The following ANKRD44 variants were observed in gnomAD, a reference collection of about 807,000 sequenced individuals.
The protein encoded by ANKRD44 is serine/threonine-protein phosphatase 6 regulatory ankyrin repeat subunit B.
A neutral mutation model predicts 116.0 loss-of-function variants in ANKRD44; 35 were observed. That is an observed-to-expected ratio of 0.30 (90% CI 0.23 to 0.40). The LOEUF is 0.40. ANKRD44 is among the 10% of genes least tolerant of loss of function. The pLI, the probability that ANKRD44 is intolerant of heterozygous loss-of-function variation, is 1.00. For synonymous variants in ANKRD44, 435 were observed against 461.8 expected, an observed-to-expected ratio of 0.94 and a Z score of 0.74; for missense variants, 1,014 against 1,242.6, an observed-to-expected ratio of 0.82 and a Z score of 2.77.
intron 1 of ANKRD44, among the ~76,000 whole-genome samples, chr2:197,245,642 A>C (rs1327038517): frequency 6.6e-6 from 1 of 152,242 alleles, no homozygotes. Flanking sequence ...TTAACAGCAA[A>C]GCTGTTTGTA....
chr2:197,308,956 A>G (rs1394327640), intron 1 of ANKRD44, among the ~76,000 whole-genome samples: 1 of 152,232 alleles, frequency 6.6e-6, no homozygotes, highest in Non-Finnish European at 1.5e-5. Context: ...TCTTTGAGGA[A>G]GACTTGCTTC....
intron 4 of ANKRD44, among the ~76,000 whole-genome samples, chr2:197,132,431 G>T (rs2079115948): frequency 6.6e-6 from 1 of 152,152 alleles, no homozygotes; most frequent in Non-Finnish European, 1.5e-5. Flanking sequence ...TCAATATTAT[G>T]ATCTGACACC....
intron 16 of ANKRD44, among the ~76,000 whole-genome samples, chr2:197,060,722 ACT>A (rs1051634434): frequency 2.0e-5 from 3 of 151,226 alleles, no homozygotes; most frequent in Non-Finnish European, 4.4e-5. Flanking sequence ...CCCCCATTCT[ACT>A]CTCTGTTTTT....
chr2:197,258,270 C>CTTTTTTTTTT (rs71395680), intron 1 of ANKRD44, among the ~76,000 whole-genome samples: 509 of 79,258 alleles, frequency 6.4e-3, no homozygotes, highest in African/African-American at 0.014. Flanking sequence ...TTGGCTAATC[C>CTTTTTTTTTT]TTTTTTTTTT....
In ANKRD44 at chr2:196,989,660, G is replaced by A. The variant is rs2125873467; in HGVS notation, c.2924-11C>T. On this transcript the variant is annotated splice_polypyrimidine_tract_variant and intron_variant, in intron 27 of 27. Transcript: ENST00000282272. ...CATTTGACCTAGAAGCTTTGGCAGA[G>A]GGAGCAGACACAGTATTCACTATGT... 2 of 1,550,148 alleles carry A rather than the reference G, an allele frequency of 1.3e-6. No homozygotes were observed. The highest frequency in any genetic ancestry group is 4.9e-5 in the East Asian group (2 of 40,902).
intron 23 of ANKRD44, among the ~76,000 whole-genome samples, chr2:196,999,694 C>T (rs1021845531): frequency 2.6e-5 from 4 of 151,826 alleles, no homozygotes; most frequent in African/African-American, 7.3e-5. Flanking sequence ...CATGGGTTCA[C>T]GCCATTCTCC....
chr2:197,288,425 T>C (rs951847903), intron 1 of ANKRD44, among the ~76,000 whole-genome samples: 17 of 152,114 alleles, frequency 1.1e-4, no homozygotes, highest in African/African-American at 4.1e-4. Context: ...CATGGCAATC[T>C]CTCAAAGAAA....
Position 196,995,507 on chromosome 2 carries a change from A to G in ANKRD44, c.2749-46T>C, listed in dbSNP as rs776807628. Reference sequence around the variant, plus strand: ...TAAGAAATGCAAGATAGAGACACAGAAAAGTTACTGAGAAATTTCTTCATT... The same window carrying G: ...TAAGAAATGCAAGATAGAGACACAGGAAAGTTACTGAGAAATTTCTTCATT... On this transcript the variant is annotated intron_variant, in intron 25 of 27. Coordinates refer to ENST00000282272, the MANE Select transcript of ANKRD44 (RefSeq NM_001195144.2). 4.3e-6 allele frequency: 6 copies of G among 1,396,356 alleles called. No individual in the cohort carries two copies. The Middle Eastern group carries it at 8.3e-4, about 194-fold the overall frequency. The allele number at this position is 1,396,356 out of a possible 1,614,324, so 86.5% of individuals were successfully genotyped here.
intron 1 of ANKRD44, among the ~76,000 whole-genome samples, chr2:197,204,076 A>G (rs1364340687): frequency 6.6e-5 from 10 of 152,238 alleles, no homozygotes; most frequent in Non-Finnish European, 1.5e-5. Flanking sequence ...TTAAAATGGT[A>G]AATATCATGT....
chr2:197,063,038 C>T (rs111269202), intron 16 of ANKRD44, among the ~76,000 whole-genome samples: 6,005 of 151,274 alleles, frequency 0.04, 152 homozygotes, highest in Middle Eastern at 0.078. Context: ...GGTCCCTGAC[C>T]CCCGAGTAGC....
At chr2:196,993,475 A>C in intron 27 of ANKRD44, 108 bp downstream of exon 27, 1 of 850,190 alleles carries the variant, frequency 1.2e-6, no homozygotes, top group South Asian at 1.6e-5. Context: ...TCCAAGGGGG[A>C]CAGAATTCTT....
chr2:197,216,945 A>G (rs1434153935), intron 1 of ANKRD44, among the ~76,000 whole-genome samples: 1 of 151,574 alleles, frequency 6.6e-6, no homozygotes, highest in East Asian at 1.9e-4. Flanking sequence ...CTGGGGGAAA[A>G]GAAAAAAAAA....
chr2:197,079,484 T>C (rs1037592114), intron 15 of ANKRD44, among the ~76,000 whole-genome samples: 1 of 152,234 alleles, frequency 6.6e-6, no homozygotes, highest in Admixed American at 6.5e-5. Context: ...CCACAGTCTT[T>C]GGAATGCTTA....
In ANKRD44 at chr2:196,987,496, A is replaced by C. The variant is rs2075851263; in HGVS notation, c.*2095T>G. On this transcript the variant is annotated 3_prime_UTR_variant, in exon 28 of 28. Coordinates refer to ENST00000282272, the MANE Select transcript of ANKRD44 (RefSeq NM_001195144.2). Reference sequence around the variant, plus strand: ...ACCAACACAACATATAAGCACACCAAGTTGCTCAACAGTACAAAGAATAAC... The same window carrying C: ...ACCAACACAACATATAAGCACACCACGTTGCTCAACAGTACAAAGAATAAC... The C allele has an allele frequency of 3.0e-6, 3 of 985,256 alleles. No homozygotes were observed. In the African/African-American group the frequency reaches 5.2e-5, roughly 17 times the overall value. The allele number at this position is 985,256 out of a possible 1,614,324, so 61.0% of individuals were successfully genotyped here.
At chr2:197,275,703 G>A (rs2083059299) in intron 1 of ANKRD44, among the ~76,000 whole-genome samples, 1 of 151,826 alleles carries the variant, frequency 6.6e-6, no homozygotes, top group Non-Finnish European at 1.5e-5. Flanking sequence ...CCGGGTTGGG[G>A]GCTTTTGGTC....
At chr2:197,258,838 T>C (rs1353140090) in intron 1 of ANKRD44, among the ~76,000 whole-genome samples, 1 of 152,252 alleles carries the variant, frequency 6.6e-6, no homozygotes, top group South Asian at 2.1e-4. Context: ...TAATGATCAG[T>C]GATTGCTCCA....
chr2:197,005,227 C>T (rs1574258033), intron 21 of ANKRD44, among the ~76,000 whole-genome samples: 1 of 151,774 alleles, frequency 6.6e-6, no homozygotes, highest in East Asian at 1.9e-4. Context: ...TAAAAATCTC[C>T]CAAATAATAA....
In ANKRD44 at chr2:197,121,359, T is replaced by C. The variant is rs1421859084; in HGVS notation, c.879A>G (p.Val293=). ...GAATGTTAACATCTGCCCCGTTGTT[T>C]ACTAACAATTCAAGACACAAAGCAC... is the stretch of plus-strand genomic sequence containing the variant. ...THGALCLELL[V]NNGADVNIQS... The change falls in exon 8 of 28, where the codon GTA becomes GTG. Residue 293 remains valine, a synonymous_variant. Coordinates refer to ENST00000282272, the MANE Select transcript of ANKRD44 (RefSeq NM_001195144.2). 1.5e-5 allele frequency: 24 copies of C among 1,614,046 alleles called. No individual in the cohort carries two copies. Among genetic ancestry groups the C allele is most frequent in the Non-Finnish European group, 1.8e-5 (21 of 1,180,024 alleles).
At chr2:197,267,005 T>C (rs77893430) in intron 1 of ANKRD44, among the ~76,000 whole-genome samples, 1 of 152,346 alleles carries the variant, frequency 6.6e-6, no homozygotes, top group African/African-American at 2.4e-5. Context: ...TTTTGCTCTG[T>C]AACATATTCT....
Sources: allele counts gnomAD v4.1 joint callset (sites outside exome capture counted in the v4.1 genomes callset), GRCh38; gene constraint gnomAD v4.1.1; transcripts MANE v1.5; gene names NCBI Gene and HGNC (gene_info 2026-07-23, HGNC 2026-07-21).